The following ARL14EPL variants were observed in gnomAD, a reference collection of about 807,000 sequenced individuals.
ARL14EPL encodes the protein ARL14 effector protein-like.
In ARL14EPL, 17 loss-of-function variants were observed where a neutral mutation model predicts 15.9. That is an observed-to-expected ratio of 1.07 (90% CI 0.73 to 1.60). The LOEUF (loss-of-function observed/expected upper bound fraction) is 1.60, where lower values mean the gene tolerates loss of function less well. Among genes scored for constraint, ARL14EPL ranks in the 40% most tolerant of loss-of-function variants. The pLI is 0.00. For missense variants in ARL14EPL, 214 were observed against 185.9 expected, an observed-to-expected ratio of 1.15 and a Z score of -0.88; for synonymous variants, 78 against 63.8, an observed-to-expected ratio of 1.22 and a Z score of -1.06.
chr5:116,042,229 G>C (rs1029537074), intron 1 of ARL14EPL, among the ~76,000 whole-genome samples: 2 of 152,172 alleles, frequency 1.3e-5, no homozygotes, highest in Non-Finnish European at 2.9e-5. Context: ...TACTTGTGAT[G>C]CACATCTTGT....
intron 2 of ARL14EPL, among the ~76,000 whole-genome samples, chr5:116,052,474 G>C (rs1475133178): frequency 6.6e-6 from 1 of 152,188 alleles, no homozygotes; most frequent in Non-Finnish European, 1.5e-5. Context: ...TTTACAAAGA[G>C]AGAAACTGGG....
At chr5:116,041,776 C>T (rs751810343) in intron 1 of ARL14EPL, among the ~76,000 whole-genome samples, 1 of 152,166 alleles carries the variant, frequency 6.6e-6, no homozygotes, top group Non-Finnish European at 1.5e-5. Context: ...TGAGTTTTTC[C>T]CCGTGCATTT....
chr5:116,035,160 C>A (rs1221733679), intron 1 of ARL14EPL, among the ~76,000 whole-genome samples: 1 of 152,144 alleles, frequency 6.6e-6, no homozygotes, highest in Non-Finnish European at 1.5e-5. Flanking sequence ...TTTACAGCTG[C>A]CTTAGAAGTT....
chr5:116,038,249 A>G (rs1749084440), intron 1 of ARL14EPL, among the ~76,000 whole-genome samples: 1 of 152,212 alleles, frequency 6.6e-6, no homozygotes, highest in Non-Finnish European at 1.5e-5. Flanking sequence ...AGAAATGAAG[A>G]GTCATATAGA....
At chr5:116,056,261 C>G (rs1171070737) in intron 3 of ARL14EPL, among the ~76,000 whole-genome samples, 3 of 152,132 alleles carry the variant, frequency 2.0e-5, no homozygotes, top group Non-Finnish European at 4.4e-5. Context: ...TACTGTCCCA[C>G]CAACAGTGTA....
rs72802793 is a variant in ARL14EPL at position 116,043,946 on chromosome 5, T to C, written c.-9-7511T>C. 7.8e-3 allele frequency among the ~76,000 whole-genome samples: 1,187 copies of C among 152,312 alleles called. 14 individuals carry two copies. Among genetic ancestry groups the C allele is most frequent in the South Asian group, 0.011 (54 of 4,824 alleles). ...GTCAAACATTGGCCAAAGAATTTAC[T>C]GTGTAGGAAGTGATTGACTGTGGAA... On this transcript the variant is annotated intron_variant, in intron 1 of 3. Coordinates refer to ENST00000686077, the MANE Select transcript of ARL14EPL (RefSeq NM_001195581.2).
intron 3 of ARL14EPL, among the ~76,000 whole-genome samples, chr5:116,058,409 T>C (rs1204019332): frequency 2.6e-5 from 4 of 152,200 alleles, no homozygotes; most frequent in African/African-American, 7.2e-5. Flanking sequence ...TCCTCATAAT[T>C]TTCTTAGGTA....
chr5:116,051,639 G>A, intron 2 of ARL14EPL, 78 bp downstream of exon 2: 1 of 1,221,104 alleles, frequency 8.2e-7, no homozygotes, highest in South Asian at 1.4e-5. Context: ...CATGGATGTG[G>A]GTGGGAAGGT....
intron 1 of ARL14EPL, among the ~76,000 whole-genome samples, chr5:116,039,326 A>G (rs751406048): frequency 2.0e-5 from 3 of 152,234 alleles, no homozygotes; most frequent in Non-Finnish European, 4.4e-5. Flanking sequence ...CAGATTAAAC[A>G]GAAAGAACCA....
intron 2 of ARL14EPL, among the ~76,000 whole-genome samples, chr5:116,053,487 G>A (rs918638344): frequency 1.3e-5 from 2 of 152,140 alleles, no homozygotes; most frequent in Non-Finnish European, 2.9e-5. Context: ...GATCCTTCAG[G>A]TGGCTGAGTT....
intron 2 of ARL14EPL, among the ~76,000 whole-genome samples, chr5:116,053,371 A>AG (rs1749439163): frequency 6.8e-6 from 1 of 146,126 alleles, no homozygotes; most frequent in Admixed American, 6.9e-5. Flanking sequence ...AAGAAAAGAA[A>AG]GGAAAAAAAA....
chr5:116,045,440 G>A (rs1188928297), intron 1 of ARL14EPL, among the ~76,000 whole-genome samples: 1 of 152,086 alleles, frequency 6.6e-6, no homozygotes, highest in Non-Finnish European at 1.5e-5. Context: ...AAACAGAAGG[G>A]GTTGGTTTTT....
At chr5:116,058,320 AG>A (rs1749566796) in intron 3 of ARL14EPL, among the ~76,000 whole-genome samples, 1 of 152,244 alleles carries the variant, frequency 6.6e-6, no homozygotes, top group Admixed American at 6.5e-5. Flanking sequence ...ATAATCTGTT[AG>A]GGAAAAATCT....
intron 1 of ARL14EPL, among the ~76,000 whole-genome samples, chr5:116,036,395 A>G (rs1366282228): frequency 3.9e-5 from 3 of 76,188 alleles, no homozygotes; most frequent in Non-Finnish European, 5.1e-5. Flanking sequence ...AGTGCTTCGT[A>G]TAGAAATGGA....
At chr5:116,041,037 G>A (rs1192730338) in intron 1 of ARL14EPL, among the ~76,000 whole-genome samples, 1 of 140,252 alleles carries the variant, frequency 7.1e-6, no homozygotes, top group African/African-American at 2.6e-5. Flanking sequence ...ATATTTTTTA[G>A]AGAGGTTTTA....
At chr5:116,053,017 GC>G (rs34238112) in intron 2 of ARL14EPL, among the ~76,000 whole-genome samples, 86,442 of 151,928 alleles carry the variant, frequency 0.57, 26,185 homozygotes, top group Non-Finnish European at 0.7. Context: ...TCCAGCTCAG[GC>G]CCCATTTAAT....
Position 116,054,065 on chromosome 5 carries a change from C to A in ARL14EPL, c.148C>A (p.Gln50Lys), listed in dbSNP as rs865824640. The A allele has an allele frequency of 3.3e-6, 5 of 1,535,438 alleles. No individual in the cohort carries two copies. The highest frequency in any genetic ancestry group is 2.6e-6 in the Non-Finnish European group (3 of 1,146,616). The change falls in exon 3 of 4, where the codon CAG becomes AAG. Residue 50 changes from glutamine to lysine, a missense_variant. By Grantham distance (53) the Gln-to-Lys change is moderately conservative. Transcript: ENST00000686077. ...KCLAFRNPGP[Q>K]VADFNPETRQ... Reference sequence around the variant, plus strand: ...CTTGGCATTTCGAAACCCTGGACCACAGGTAGCAGACTTTAATCCTGAAAC... The same window carrying A: ...CTTGGCATTTCGAAACCCTGGACCAAAGGTAGCAGACTTTAATCCTGAAAC...
chr5:116,054,890 A>G (rs116578937), intron 3 of ARL14EPL, among the ~76,000 whole-genome samples: 2,202 of 151,672 alleles, frequency 0.015, 18 homozygotes, highest in Non-Finnish European at 0.021. Flanking sequence ...ACTATAAAGG[A>G]AAATGATAAA....
At chr5:116,042,913 G>A (rs898330318) in intron 1 of ARL14EPL, among the ~76,000 whole-genome samples, 1 of 151,942 alleles carries the variant, frequency 6.6e-6, no homozygotes, top group African/African-American at 2.4e-5. Context: ...ATATATTTTG[G>A]AAATTGTCTT....
Sources: gnomAD v4.1 joint callset for allele counts (sites outside exome capture counted in the v4.1 genomes callset) on GRCh38, gnomAD v4.1.1 for gene constraint, MANE v1.5 for transcripts, NCBI Gene and HGNC (gene_info 2026-07-23, HGNC 2026-07-21) for gene names.